Variants in GSE1 observed in about 807,000 individuals in gnomAD.
The protein encoded by GSE1 is genetic suppressor element 1.
In GSE1, 32 loss-of-function variants were observed where a neutral mutation model predicts 112.6. The ratio of observed to expected loss-of-function variants is 0.28; its 90% CI spans 0.21 to 0.38. GSE1 has a LOEUF of 0.38. Among genes scored for constraint, GSE1 ranks in the 10% least tolerant of loss-of-function variants. The pLI is 1.00. For missense variants in GSE1, 2,348 were observed against 1,699.2 expected (o/e 1.38, Z -6.71); for synonymous variants, 1,115 against 735.6 (o/e 1.52, Z -8.35).
In GSE1 at chr16:85,488,471, G is replaced by C. The variant is rs749261560; in HGVS notation, c.2464+130828G>C. ...CTAAGCTCTAGAAACGCAGGGTCTTGTTGCAAGTCTGGCTTATTCCTCTCT... is the reference window on the plus strand; with the variant it reads ...CTAAGCTCTAGAAACGCAGGGTCTTCTTGCAAGTCTGGCTTATTCCTCTCT... On this transcript the variant is annotated intron_variant, in intron 2 of 2. Transcript: ENST00000637419. Among the ~76,000 whole-genome samples the C allele has an allele frequency of 2.0e-5, 3 of 152,080 alleles. 1 individual carries two copies. The highest frequency in any genetic ancestry group is 2.0e-4 in the Admixed American group (3 of 15,258).
intron 2 of GSE1, among the ~76,000 whole-genome samples, chr16:85,544,405 G>A (rs562178138): frequency 6.6e-6 from 1 of 152,334 alleles, no homozygotes; most frequent in South Asian, 2.1e-4. Flanking sequence ...CCGCTGGAGG[G>A]CAAGTAAAGG....
chr16:85,362,831 C>CTTTTTTT (rs67922655), intron 2 of GSE1, among the ~76,000 whole-genome samples: 2 of 103,480 alleles, frequency 1.9e-5, no homozygotes, highest in African/African-American at 3.8e-5. Flanking sequence ...TTATTGATAT[C>CTTTTTTT]TTTTTTTTTT....
rs566239536 is a variant in GSE1 at position 85,193,200 on chromosome 16, C to G, written c.2283+21393C>G. On this transcript the variant is annotated intron_variant, in intron 1 of 2. Transcript: ENST00000637419. ...CACCGAGTCCACATTCCCTCTATTT[C>G]TCCATTCATTCAATTCTTCGGTGTC... Among the ~76,000 whole-genome samples, 19 of 152,320 alleles carry G rather than the reference C, an allele frequency of 1.2e-4. No homozygotes were observed. The South Asian group carries it at 3.9e-3, about 32-fold the overall frequency.
Position 85,606,296 on chromosome 16 carries a change from G to C in GSE1, c.38-42256G>C, listed in dbSNP as rs545102316. 4.8e-3 allele frequency among the ~76,000 whole-genome samples: 731 copies of C among 152,364 alleles called. 1 individual carries two copies. The highest frequency in any genetic ancestry group is 8.2e-3 in the Non-Finnish European group (561 of 68,038). ...TATGAAAAATGGGAACTAGGCATGT[G>C]AGGAAATGAAAACCTGGCATCCCCA... is the stretch of plus-strand genomic sequence containing the variant. On this transcript the variant is annotated intron_variant, in intron 1 of 2. Transcript: ENST00000635906.
chr16:85,333,549 G>C (rs2151523722), intron 1 of GSE1, among the ~76,000 whole-genome samples: 1 of 152,364 alleles, frequency 6.6e-6, no homozygotes, highest in Non-Finnish European at 1.5e-5. Flanking sequence ...AGGCCAGCCT[G>C]CATCAGAAGC....
At chr16:85,235,576 T>TGG (rs11324376) in intron 1 of GSE1, among the ~76,000 whole-genome samples, 5 of 114,596 alleles carry the variant, frequency 4.4e-5, no homozygotes, top group Middle Eastern at 5.6e-3. Flanking sequence ...TGTGTGTGGG[T>TGG]GGGGGGGGGG....
chr16:85,535,399 C>CCGA (rs61363190), intron 2 of GSE1, among the ~76,000 whole-genome samples: 13,684 of 152,222 alleles, frequency 0.09, 853 homozygotes, highest in African/African-American at 0.18. Context: ...CTGGCCTCGG[C>CCGA]CTTCCTTCTC....
At chr16:85,543,838 G>C (rs1158294922) in intron 2 of GSE1, among the ~76,000 whole-genome samples, 1 of 149,828 alleles carries the variant, frequency 6.7e-6, no homozygotes, top group Non-Finnish European at 1.5e-5. Flanking sequence ...GCCGTATCTG[G>C]AAACTTGTTT....
In GSE1 at chr16:85,456,742, C is replaced by T. The variant is rs115292325; in HGVS notation, c.2464+99099C>T. ...GGGAGGGAGGCTGCAGCAGGGTGAG[C>T]GCTGGTGGGTGAGAGGCCCGCTAGG... On this transcript the variant is annotated intron_variant, in intron 2 of 2. Transcript: ENST00000637419. 1.4e-3 allele frequency among the ~76,000 whole-genome samples: 214 copies of T among 151,934 alleles called. 2 individuals are homozygous for T. The highest frequency in any genetic ancestry group is 4.6e-3 in the African/African-American group (192 of 41,422).
chr16:85,571,653 C>G (rs1201760352), intron 1 of GSE1, among the ~76,000 whole-genome samples: 7 of 152,182 alleles, frequency 4.6e-5, no homozygotes, highest in Admixed American at 1.3e-4. Context: ...GAGCAGGGAC[C>G]TGACTGACTG....
intron 1 of GSE1, among the ~76,000 whole-genome samples, chr16:85,345,622 C>T (rs780334851): frequency 2.0e-5 from 3 of 152,164 alleles, no homozygotes; most frequent in Non-Finnish European, 4.4e-5. Context: ...TTACTTTCTC[C>T]ACCCACCCGC....
At chr16:85,590,155 T>C (rs1401644609) in intron 1 of GSE1, among the ~76,000 whole-genome samples, 1 of 152,058 alleles carries the variant, frequency 6.6e-6, no homozygotes, top group Non-Finnish European at 1.5e-5. Flanking sequence ...TGTGAGCGTG[T>C]GAGTGAATGT....
At chr16:85,456,426 T>G (rs1597808878) in intron 2 of GSE1, among the ~76,000 whole-genome samples, 1 of 152,260 alleles carries the variant, frequency 6.6e-6, no homozygotes, top group South Asian at 2.1e-4. Context: ...TTCCAGATTA[T>G]GCTCTGGGAT....
intron 1 of GSE1, among the ~76,000 whole-genome samples, chr16:85,621,507 T>C (rs987150333): frequency 1.4e-4 from 22 of 152,244 alleles, no homozygotes; most frequent in African/African-American, 4.8e-4. Flanking sequence ...GTACATCTTA[T>C]AAGACTTTAT....
intron 1 of GSE1, among the ~76,000 whole-genome samples, chr16:85,596,385 A>G (rs1291336787): frequency 1.3e-5 from 2 of 152,144 alleles, no homozygotes; most frequent in Non-Finnish European, 2.9e-5. Flanking sequence ...AGAGACTCCC[A>G]TGACAGCAGC....
chr16:85,303,577 G>A (rs373123419), intron 1 of GSE1, among the ~76,000 whole-genome samples: 12 of 152,352 alleles, frequency 7.9e-5, no homozygotes, highest in African/African-American at 2.6e-4. Flanking sequence ...GTTCTATTGT[G>A]ACTCCCATTT....
At chr16:85,332,921 C>T (rs1458512716) in intron 1 of GSE1, among the ~76,000 whole-genome samples, 3 of 152,070 alleles carry the variant, frequency 2.0e-5, no homozygotes, top group African/African-American at 4.8e-5. Context: ...CCTGTACCAG[C>T]CGGGGCCTTT....
intron 10 of GSE1, 110 bp from the exon 11 acceptor site, chr16:85,663,234 C>A: frequency 1.5e-6 from 2 of 1,363,440 alleles, no homozygotes; most frequent in South Asian, 1.3e-5. Flanking sequence ...TCCCACCAGG[C>A]GCAGCCAGCT....
intron 1 of GSE1, among the ~76,000 whole-genome samples, chr16:85,598,420 G>C (rs745837683): frequency 6.6e-6 from 1 of 152,150 alleles, no homozygotes; most frequent in Non-Finnish European, 1.5e-5. Flanking sequence ...CCAGAGCCGC[G>C]TGTCTGGCCC....
Sources: allele counts gnomAD v4.1 joint callset (sites outside exome capture counted in the v4.1 genomes callset), GRCh38; gene constraint gnomAD v4.1.1; transcripts MANE v1.5; gene names NCBI Gene and HGNC (gene_info 2026-07-23, HGNC 2026-07-21).